Variants in TMEM123 observed in about 807,000 individuals in gnomAD.
TMEM123 encodes porimin.
A neutral mutation model predicts 19.7 loss-of-function variants in TMEM123; 16 were observed. That is an observed-to-expected ratio of 0.81 (90% CI 0.55 to 1.23). TMEM123 has a LOEUF of 1.23. TMEM123 is among the 50% of genes most tolerant of loss of function. The pLI is 0.00. For missense variants in TMEM123, 313 were observed against 257.8 expected (o/e 1.21, Z -1.47); for synonymous variants, 118 against 99.4 (o/e 1.19, Z -1.12).
intron 2 of TMEM123, among the ~76,000 whole-genome samples, chr11:102,426,309 G>A (rs1469229729): frequency 3.3e-5 from 5 of 152,108 alleles, no homozygotes; most frequent in Admixed American, 6.6e-5. Flanking sequence ...TAGCACTTAT[G>A]TGCCAGGCAC....
Position 102,401,577 on chromosome 11 carries a change from T to G in TMEM123, c.564A>C (p.Lys188Asn). ...GAATGCCTCTTCTTGAGTAATACAT[T>G]TTGCATCCAATGTAAAGAATAGATA... ...GVLSILYIGC[K>N]MYYSRRGIRY... Residue 188 changes from lysine (K) to asparagine (N), a missense_variant, in exon 4 of 5, where the codon AAA becomes AAC. By Grantham distance (94) the Lys-to-Asn change is moderately conservative. Transcript: ENST00000398136. 6.3e-7 allele frequency: 1 copy of G among 1,598,292 alleles called. No homozygotes were observed. The highest frequency in any genetic ancestry group is 1.1e-5 in the South Asian group (1 of 87,120).
intron 4 of TMEM123, among the ~76,000 whole-genome samples, chr11:102,400,245 TAG>T (rs1387080927): frequency 6.6e-6 from 1 of 152,198 alleles, no homozygotes; most frequent in East Asian, 1.9e-4. Flanking sequence ...TTCCAAGAGA[TAG>T]ACAGTGTTAG....
In TMEM123 at chr11:102,444,733, A is replaced by G. The variant is rs529106856; in HGVS notation, c.157+4079T>C. Reference sequence around the variant, plus strand: ...ATACATGCACACACATGTTTATTGCAGCACTATTCACAATAGCAAAGACTT... The same window carrying G: ...ATACATGCACACACATGTTTATTGCGGCACTATTCACAATAGCAAAGACTT... On this transcript the variant is annotated intron_variant, in intron 2 of 4. Transcript: ENST00000398136. Among the ~76,000 whole-genome samples, 239 of 152,158 alleles carry G rather than the reference A, an allele frequency of 1.6e-3. 1 individual carries two copies. Among genetic ancestry groups the G allele is most frequent in the Non-Finnish European group, 2.2e-3 (152 of 68,004 alleles).
chr11:102,433,951 A>C lies in TMEM123; in HGVS notation c.157+14861T>G, dbSNP rs1181969911. Among the ~76,000 whole-genome samples the C allele has an allele frequency of 2.6e-5, 4 of 151,966 alleles. No individual in the cohort carries two copies. In the East Asian group the frequency reaches 7.7e-4, roughly 29 times the overall value. The stretch of plus-strand genomic sequence containing the variant: ...AGCCATGTGGAACTGTGACTCAATT[A>C]AACCTCTTTTCCTTATAAATTATCC... On this transcript the variant is annotated intron_variant, in intron 2 of 4. Transcript: ENST00000398136.
Position 102,396,835 on chromosome 11 carries a change from TAGTACTTAAAA to T in TMEM123, c.*2021_*2031del, listed in dbSNP as rs896970318. 1 of 152,160 alleles carries T rather than the reference TAGTACTTAAAA, an allele frequency of 6.6e-6. No homozygotes were observed. Among genetic ancestry groups the T allele is most frequent in the African/African-American group, 2.4e-5 (1 of 41,438 alleles). 9.4% of individuals were successfully genotyped at this position (152,160 alleles called of 1,614,324 possible). A position where few individuals can be genotyped will look rare whatever the true frequency, so the allele number is the denominator to read the frequency against. ...GAAACTTTCAAGGCAAATGATGACT[TAGTACTTAAAA>T]AGTGGTTTTTCTATCTTCAAAGTGC... is the stretch of plus-strand genomic sequence containing the variant. On this transcript the variant is annotated 3_prime_UTR_variant, in exon 5 of 5. Transcript: ENST00000398136.
rs1466601146 is a variant in TMEM123 at position 102,397,358 on chromosome 11, AC to A, written c.*1508del. 2 of 152,184 alleles carry A rather than the reference AC, an allele frequency of 1.3e-5. No individual in the cohort carries two copies. The highest frequency in any genetic ancestry group is 2.9e-5 in the Non-Finnish European group (2 of 68,016). 9.4% of individuals were successfully genotyped at this position (152,184 alleles called of 1,614,324 possible). On this transcript the variant is annotated 3_prime_UTR_variant, in exon 5 of 5. Coordinates refer to ENST00000398136, the MANE Select transcript of TMEM123 (RefSeq NM_052932.3). ...TTAGGACATCTGAGCTATTTTTAGG[AC>A]CTTCAGAAACTGGTGTGATTCACTT... is the stretch of plus-strand genomic sequence containing the variant.
chr11:102,435,097 T>G (rs1240740299), intron 2 of TMEM123, among the ~76,000 whole-genome samples: 1 of 151,912 alleles, frequency 6.6e-6, no homozygotes, highest in Non-Finnish European at 1.5e-5. Flanking sequence ...CCCAGCACAT[T>G]GGGAGGCCAA....
intron 2 of TMEM123, among the ~76,000 whole-genome samples, chr11:102,403,055 G>A (rs1304307156): frequency 1.3e-5 from 2 of 152,166 alleles, no homozygotes; most frequent in African/African-American, 2.4e-5. Context: ...CTGTCACCCA[G>A]GCTGAAGTGC....
chr11:102,438,647 G>C (rs1486366920), intron 2 of TMEM123, among the ~76,000 whole-genome samples: 1 of 152,228 alleles, frequency 6.6e-6, no homozygotes, highest in Admixed American at 6.5e-5. Context: ...AATAGGAACA[G>C]CTCCAGTCTA....
At chr11:102,411,495 A>G (rs1009464680) in intron 2 of TMEM123, among the ~76,000 whole-genome samples, 19 of 152,218 alleles carry the variant, frequency 1.2e-4, no homozygotes, top group Non-Finnish European at 2.1e-4. Context: ...GTTATGGGAA[A>G]GCCTGATTTA....
At chr11:102,441,591 G>A (rs1477463548) in intron 2 of TMEM123, among the ~76,000 whole-genome samples, 1 of 152,010 alleles carries the variant, frequency 6.6e-6, no homozygotes, top group Non-Finnish European at 1.5e-5. Flanking sequence ...AGAGAAAGCA[G>A]GAAAGATCTA....
At chr11:102,428,549 C>A (rs1952148530) in intron 2 of TMEM123, among the ~76,000 whole-genome samples, 1 of 151,590 alleles carries the variant, frequency 6.6e-6, no homozygotes, top group African/African-American at 2.4e-5. Context: ...CCAGGTGATC[C>A]ACCCAGCTTG....
intron 2 of TMEM123, among the ~76,000 whole-genome samples, chr11:102,407,714 T>C (rs994465023): frequency 3.3e-5 from 5 of 152,136 alleles, no homozygotes; most frequent in South Asian, 2.1e-4. Flanking sequence ...GGGAATGCCA[T>C]GGATTGCCAC....
chr11:102,397,543 CTT>C lies in TMEM123; in HGVS notation c.*1322_*1323del, dbSNP rs1401088348. ...ATATTGGTGTCTCTACAATACTGTG[CTT>C]TTTCTCTCCATTAACATAATGCATC... On this transcript the variant is annotated 3_prime_UTR_variant, in exon 5 of 5. Coordinates refer to ENST00000398136, the MANE Select transcript of TMEM123 (RefSeq NM_052932.3). 1 of 152,154 alleles carries C rather than the reference CTT, an allele frequency of 6.6e-6. No individual in the cohort carries two copies. Among genetic ancestry groups the C allele is most frequent in the Non-Finnish European group, 1.5e-5 (1 of 68,012 alleles). 9.4% of individuals were successfully genotyped at this position (152,154 alleles called of 1,614,324 possible).
At chr11:102,447,785 C>G (rs1591569194) in intron 2 of TMEM123, among the ~76,000 whole-genome samples, 1 of 152,072 alleles carries the variant, frequency 6.6e-6, no homozygotes, top group African/African-American at 2.4e-5. Flanking sequence ...AAAGTATGTC[C>G]TGACTACGTA....
chr11:102,404,424 C>T (rs572972434), intron 2 of TMEM123, among the ~76,000 whole-genome samples: 25 of 152,128 alleles, frequency 1.6e-4, no homozygotes, highest in Non-Finnish European at 3.1e-4. Flanking sequence ...GCTGGGATTA[C>T]AGGCACATGC....
rs115621878 is a variant in TMEM123, at chr11:102,422,516, C to A, written c.158-20310G>T. 2.2e-3 allele frequency among the ~76,000 whole-genome samples: 338 copies of A among 152,254 alleles called. 2 individuals are homozygous for A. The highest frequency in any genetic ancestry group is 7.7e-3 in the African/African-American group (318 of 41,552). The stretch of plus-strand genomic sequence containing the variant: ...AAAGTGAAGAGAATAACACAAACAT[C>A]TGTGTTCTCATCATTCTGCCAATTA... On this transcript the variant is annotated intron_variant, in intron 2 of 4. Coordinates refer to ENST00000398136, the MANE Select transcript of TMEM123 (RefSeq NM_052932.3).
chr11:102,437,341 C>G (rs1245784915), intron 2 of TMEM123, among the ~76,000 whole-genome samples: 1 of 151,918 alleles, frequency 6.6e-6, no homozygotes, highest in Non-Finnish European at 1.5e-5. Context: ...CACCAGTAAT[C>G]TCAGCTACTT....
intron 2 of TMEM123, among the ~76,000 whole-genome samples, chr11:102,430,324 G>A (rs1857682486): frequency 6.6e-6 from 1 of 152,238 alleles, no homozygotes; most frequent in South Asian, 2.1e-4. Flanking sequence ...AAACAGCACT[G>A]GGTGCTGGGA....
Sources: gnomAD v4.1 joint callset for allele counts (sites outside exome capture counted in the v4.1 genomes callset) on GRCh38, gnomAD v4.1.1 for gene constraint, MANE v1.5 for transcripts, NCBI Gene and HGNC (gene_info 2026-07-23, HGNC 2026-07-21) for gene names.